Variants in UNC5C observed in about 807,000 individuals in gnomAD.
The protein encoded by UNC5C is unc-5 netrin receptor C.
UNC5C carries 47 observed loss-of-function variants against 99.8 expected under a neutral mutation model. The observed-to-expected ratio is 0.47, with a 90% CI of 0.37 to 0.60. The LOEUF is 0.60. Among genes scored for constraint, UNC5C ranks in the 20% least tolerant of loss-of-function variants. The pLI is 0.00. For synonymous variants in UNC5C, 487 were observed against 452.2 expected (o/e 1.08, Z -0.98); for missense variants, 1,062 against 1,165.9 (o/e 0.91, Z 1.30).
chr4:95,344,515 G>A (rs1743698500), intron 1 of UNC5C, among the ~76,000 whole-genome samples: 1 of 151,932 alleles, frequency 6.6e-6, no homozygotes, highest in African/African-American at 2.4e-5. Flanking sequence ...AAAACTGACT[G>A]GTAATAGCAA....
chr4:95,544,204 G>A (rs904084109), intron 1 of UNC5C, among the ~76,000 whole-genome samples: 2 of 152,166 alleles, frequency 1.3e-5, no homozygotes, highest in Non-Finnish European at 2.9e-5. Context: ...TAGTCACACA[G>A]CTGGAGGTGC....
intron 14 of UNC5C, among the ~76,000 whole-genome samples, chr4:95,172,253 A>G (rs1048918111): frequency 4.0e-5 from 6 of 149,114 alleles, no homozygotes; most frequent in African/African-American, 1.5e-4. Flanking sequence ...ATGAGATCCC[A>G]TTTGTCAATT....
intron 2 of UNC5C, among the ~76,000 whole-genome samples, chr4:95,304,768 G>A (rs987090717): frequency 6.6e-6 from 1 of 152,090 alleles, no homozygotes; most frequent in African/African-American, 2.4e-5. Context: ...TTCTTTATAC[G>A]ATGCAGAGCA....
At chr4:95,405,504 A>G (rs893910461) in intron 1 of UNC5C, among the ~76,000 whole-genome samples, 4 of 152,198 alleles carry the variant, frequency 2.6e-5, no homozygotes, top group African/African-American at 9.6e-5. Flanking sequence ...GGTTATCATC[A>G]GCTGCTTCAT....
chr4:95,202,864 G>A lies in UNC5C; in HGVS notation c.2003C>T (p.Ala668Val), dbSNP rs1417395006. 6.2e-7 allele frequency: 1 copy of A among 1,614,248 alleles called. No homozygotes were observed. Residue 668 changes from alanine (A) to valine (V), a missense_variant, in exon 12 of 16, where the codon GCC becomes GTC. This residue lies in a region of UNC5C where 810 missense variants were observed against 854.5 expected (regional missense o/e 0.95). Coordinates refer to ENST00000453304, the MANE Select transcript of UNC5C (RefSeq NM_003728.4). The stretch of plus-strand genomic sequence containing the variant: ...TTTGGTGGTGGAATGTCCTACCAGG[G>A]CGTAGGTGCTGAGGTTCTCTGTGAG... ...HILTENLSTY[A>V]LVGHSTTKAA... is the part of the protein sequence containing the mutation.
chr4:95,176,617 G>A (rs28879416), intron 14 of UNC5C, among the ~76,000 whole-genome samples: 2,127 of 152,144 alleles, frequency 0.014, 56 homozygotes, highest in African/African-American at 0.047. Context: ...CTCCAGCTGC[G>A]TGCTGGGAGA....
intron 2 of UNC5C, among the ~76,000 whole-genome samples, chr4:95,315,785 T>C (rs975424051): frequency 6.6e-6 from 1 of 152,178 alleles, no homozygotes; most frequent in Non-Finnish European, 1.5e-5. Flanking sequence ...AATTAACGGA[T>C]AGGAATATTT....
intron 1 of UNC5C, among the ~76,000 whole-genome samples, chr4:95,488,431 G>T (rs1256394105): frequency 6.6e-6 from 1 of 151,754 alleles, no homozygotes; most frequent in Non-Finnish European, 1.5e-5. Context: ...TTTTAAAGCA[G>T]ATTTTCAACT....
chr4:95,195,103 G>T (rs1204802139), intron 12 of UNC5C, among the ~76,000 whole-genome samples: 4 of 152,164 alleles, frequency 2.6e-5, no homozygotes, highest in African/African-American at 9.7e-5. Context: ...TGCCACTGAA[G>T]TCTAAATGCC....
At chr4:95,294,638 A>G (rs1741608128) in intron 3 of UNC5C, among the ~76,000 whole-genome samples, 1 of 152,196 alleles carries the variant, frequency 6.6e-6, no homozygotes, top group East Asian at 1.9e-4. Context: ...GTCAAATTTT[A>G]TGTGAATCAG....
In UNC5C at chr4:95,382,229, T is replaced by C. The variant is rs1380430679; in HGVS notation, c.125-46598A>G. On this transcript the variant is annotated intron_variant, in intron 1 of 15. Transcript: ENST00000453304. ...AGCTCACACCTGTAATCCCAACATT[T>C]TGGGAGGCCAAGGAGGGAGGATTGC... Among the ~76,000 whole-genome samples, 7 of 152,188 alleles carry C rather than the reference T, an allele frequency of 4.6e-5. No homozygotes were observed. In the South Asian group the frequency reaches 1.5e-3, roughly 32 times the overall value.
At chr4:95,450,886 C>T (rs546572623) in intron 1 of UNC5C, among the ~76,000 whole-genome samples, 2 of 152,232 alleles carry the variant, frequency 1.3e-5, no homozygotes, top group Non-Finnish European at 2.9e-5. Context: ...CGAATGAAGA[C>T]CAGGACAATC....
chr4:95,376,222 T>C (rs995698437), intron 1 of UNC5C, among the ~76,000 whole-genome samples: 1 of 66,750 alleles, frequency 1.5e-5, no homozygotes, highest in Non-Finnish European at 2.4e-5. Flanking sequence ...TTTATACATA[T>C]ATATCTTATG....
In UNC5C at chr4:95,250,587, G is replaced by A. The variant is rs1309540012; in HGVS notation, c.675C>T (p.Ile225=). ...NFYITIDHNL[I]IKQARLSDTA... The stretch of plus-strand genomic sequence containing the variant: ...TATCAGAGAGTCGGGCCTGCTTTAT[G>A]ATGAGGTTGTGATCAATAGTAATAT... The change falls in exon 5 of 16, where the codon ATC becomes ATT. Residue 225 remains isoleucine, a synonymous_variant. Transcript: ENST00000453304. The A allele has an allele frequency of 6.2e-7, 1 of 1,613,860 alleles. No homozygotes were observed. Among genetic ancestry groups the A allele is most frequent in the Non-Finnish European group, 8.5e-7 (1 of 1,179,976 alleles).
intron 4 of UNC5C, among the ~76,000 whole-genome samples, chr4:95,254,843 A>G (rs1739895180): frequency 6.6e-6 from 1 of 152,190 alleles, no homozygotes; most frequent in Non-Finnish European, 1.5e-5. Context: ...TATTGAATTT[A>G]CCAATTTGTT....
intron 1 of UNC5C, among the ~76,000 whole-genome samples, chr4:95,544,437 C>T (rs1019178283): frequency 4.6e-5 from 7 of 152,152 alleles, no homozygotes; most frequent in Non-Finnish European, 8.8e-5. Flanking sequence ...ACCCCCCACC[C>T]ACCACTCACA....
At chr4:95,386,900 TATAAG>T (rs1185912745) in intron 1 of UNC5C, among the ~76,000 whole-genome samples, 1 of 152,124 alleles carries the variant, frequency 6.6e-6, no homozygotes, top group Non-Finnish European at 1.5e-5. Context: ...TGGGTTATAA[TATAAG>T]ATTAGAAACC....
rs114573176 is a variant in UNC5C, at chr4:95,466,715, C to T, written c.124+82019G>A. Among the ~76,000 whole-genome samples the T allele has an allele frequency of 4.3e-3, 650 of 152,188 alleles. 11 individuals are homozygous for T. The highest frequency in any genetic ancestry group is 0.015 in the African/African-American group (612 of 41,524). The stretch of plus-strand genomic sequence containing the variant: ...AATCCCAGGCCTCAAAGGAGATACT[C>T]ATTGTTTTACTTTTAAAAGCCATTC... On this transcript the variant is annotated intron_variant, in intron 1 of 15. Coordinates refer to ENST00000453304, the MANE Select transcript of UNC5C (RefSeq NM_003728.4).
At chr4:95,368,341 T>C (rs898312523) in intron 1 of UNC5C, among the ~76,000 whole-genome samples, 2 of 147,386 alleles carry the variant, frequency 1.4e-5, no homozygotes, top group African/African-American at 2.5e-5. Flanking sequence ...TTACAAATTA[T>C]AGGCTTACTA....
Sources: allele counts gnomAD v4.1 joint callset (sites outside exome capture counted in the v4.1 genomes callset), GRCh38; gene constraint gnomAD v4.1.1; regional missense constraint gnomAD v4.1.1; transcripts MANE v1.5; gene names NCBI Gene and HGNC (gene_info 2026-07-23, HGNC 2026-07-21).